Variants in NDST4 observed in about 807,000 individuals in gnomAD.
NDST4 encodes the protein N-heparan sulfate sulfotransferase 4.
Under a neutral mutation model 100.8 loss-of-function variants are expected in NDST4, and 63 were observed. That is an observed-to-expected ratio of 0.62 (90% CI 0.51 to 0.77). The LOEUF (loss-of-function observed/expected upper bound fraction) is 0.77. NDST4 is among the 30% of genes least tolerant of loss of function. NDST4 has a pLI of 0.00. For synonymous variants in NDST4, 377 were observed against 361.8 expected, an observed-to-expected ratio of 1.04 and a Z score of -0.48; for missense variants, 943 against 1,018.4, an observed-to-expected ratio of 0.93 and a Z score of 1.01.
chr4:115,082,319 CTAAAA>C (rs1257673643), intron 1 of NDST4, among the ~76,000 whole-genome samples: 2 of 152,076 alleles, frequency 1.3e-5, no homozygotes, highest in Non-Finnish European at 2.9e-5. Context: ...TAGAGATTCT[CTAAAA>C]TACAGTTTGC....
intron 2 of NDST4, among the ~76,000 whole-genome samples, chr4:114,993,390 T>G (rs1044089042): frequency 1.3e-5 from 2 of 151,868 alleles, no homozygotes; most frequent in Non-Finnish European, 2.9e-5. Context: ...CTTGTAGCCT[T>G]AAAATTATTG....
chr4:114,830,842 T>G (rs1005019180), intron 12 of NDST4, among the ~76,000 whole-genome samples: 4 of 152,224 alleles, frequency 2.6e-5, no homozygotes, highest in Admixed American at 6.5e-5. Context: ...GGCCCATTCC[T>G]ATAATACTGG....
At chr4:115,092,311 G>A (rs1729535576) in intron 1 of NDST4, among the ~76,000 whole-genome samples, 1 of 152,132 alleles carries the variant, frequency 6.6e-6, no homozygotes, top group Admixed American at 6.6e-5. Context: ...CAGAATAGCT[G>A]CTTTCAGTAG....
chr4:115,047,930 T>G (rs1319782283), intron 2 of NDST4, among the ~76,000 whole-genome samples: 1 of 152,120 alleles, frequency 6.6e-6, no homozygotes, highest in African/African-American at 2.4e-5. Context: ...TTTTCAACCT[T>G]TTTAAAATGT....
At chr4:114,855,587 G>GACA (rs59728777) in intron 7 of NDST4, among the ~76,000 whole-genome samples, 3,322 of 152,110 alleles carry the variant, frequency 0.022, 118 homozygotes, top group African/African-American at 0.075. Flanking sequence ...TCACTGTAGA[G>GACA]GTATGGGTTT....
intron 2 of NDST4, among the ~76,000 whole-genome samples, chr4:115,057,936 TAAAAC>T (rs1360740757): frequency 2.0e-5 from 3 of 152,114 alleles, no homozygotes; most frequent in Admixed American, 6.6e-5. Context: ...TAAAGATTAA[TAAAAC>T]TAGTAGGCAA....
At chr4:115,030,084 G>A (rs946127978) in intron 2 of NDST4, among the ~76,000 whole-genome samples, 8 of 152,022 alleles carry the variant, frequency 5.3e-5, no homozygotes, top group African/African-American at 1.2e-4. Context: ...CAATGAAAAA[G>A]GAAGATTCCT....
At chr4:114,933,449 T>G (rs1258195415) in intron 6 of NDST4, among the ~76,000 whole-genome samples, 4 of 145,382 alleles carry the variant, frequency 2.8e-5, no homozygotes, top group African/African-American at 1.0e-4. Context: ...TTTTTTTTTT[T>G]TTTTTGTGTG....
chr4:114,863,027 C>T (rs904610501), intron 7 of NDST4, among the ~76,000 whole-genome samples: 1 of 152,072 alleles, frequency 6.6e-6, no homozygotes, highest in African/African-American at 2.4e-5. Flanking sequence ...GGCAAGTTTT[C>T]CCTTTAGCCT....
chr4:115,069,545 T>G (rs758699561), intron 2 of NDST4, among the ~76,000 whole-genome samples: 2 of 152,034 alleles, frequency 1.3e-5, no homozygotes, highest in Non-Finnish European at 2.9e-5. Flanking sequence ...AACAAGCATA[T>G]GGAAAAAACT....
chr4:114,851,792 C>T (rs149726338), intron 8 of NDST4, among the ~76,000 whole-genome samples: 2 of 152,102 alleles, frequency 1.3e-5, no homozygotes, highest in South Asian at 4.1e-4. Flanking sequence ...TGTTGTAATA[C>T]AATTTATATT....
intron 1 of NDST4, among the ~76,000 whole-genome samples, chr4:115,099,362 G>A (rs182432987): frequency 9.8e-4 from 149 of 151,994 alleles, no homozygotes; most frequent in Non-Finnish European, 1.0e-4. Flanking sequence ...CAGACACTCT[G>A]AAGAGAAAGA....
chr4:115,096,644 A>G (rs1053145472), intron 1 of NDST4, among the ~76,000 whole-genome samples: 1 of 152,100 alleles, frequency 6.6e-6, no homozygotes, highest in East Asian at 1.9e-4. Context: ...TTACTCACTG[A>G]AGATATTGCT....
intron 4 of NDST4, among the ~76,000 whole-genome samples, chr4:114,952,758 C>T (rs566240093): frequency 6.6e-6 from 1 of 152,108 alleles, no homozygotes; most frequent in South Asian, 2.1e-4. Context: ...TATCTATTGC[C>T]AATGGGTACC....
rs566115512 is a variant in NDST4, at chr4:114,972,272, C to A, written c.1067-1688G>T. Among the ~76,000 whole-genome samples the A allele has an allele frequency of 4.1e-4, 63 of 152,070 alleles. No individual in the cohort carries two copies. In the South Asian group the frequency reaches 4.8e-3, roughly 11 times the overall value. On this transcript the variant is annotated intron_variant, in intron 3 of 13. Transcript: ENST00000264363. ...TTCACATGGCCACCAAAGTATATAG[C>A]AACTTCTTTCTTTTATGTATACTCA...
At chr4:114,929,846 A>G (rs758895054) in intron 6 of NDST4, among the ~76,000 whole-genome samples, 24 of 152,196 alleles carry the variant, frequency 1.6e-4, no homozygotes, top group Non-Finnish European at 2.5e-4. Context: ...TGCATAATCC[A>G]TGTCTTTATT....
intron 2 of NDST4, among the ~76,000 whole-genome samples, chr4:114,980,489 A>G (rs762236373): frequency 6.6e-6 from 1 of 150,868 alleles, no homozygotes; most frequent in Non-Finnish European, 1.5e-5. Flanking sequence ...TAATAATACA[A>G]AAATTAGATG....
At chr4:115,057,936 T>G (rs540028950) in intron 2 of NDST4, among the ~76,000 whole-genome samples, 1 of 152,232 alleles carries the variant, frequency 6.6e-6, no homozygotes, top group East Asian at 1.9e-4. Context: ...TAAAGATTAA[T>G]AAAACTAGTA....
intron 6 of NDST4, among the ~76,000 whole-genome samples, chr4:114,919,201 A>G (rs986577658): frequency 6.6e-6 from 1 of 152,184 alleles, no homozygotes; most frequent in Non-Finnish European, 1.5e-5. Context: ...TCTTCCCTGA[A>G]TTTCCCACAG....
Sources: allele counts gnomAD v4.1 joint callset (sites outside exome capture counted in the v4.1 genomes callset), GRCh38; gene constraint gnomAD v4.1.1; transcripts MANE v1.5; gene names NCBI Gene and HGNC (gene_info 2026-07-23, HGNC 2026-07-21).